Variants in GAD1 observed in about 807,000 individuals in gnomAD.
GAD1 encodes the protein 67 kDa glutamic acid decarboxylase.
Under a neutral mutation model 75.2 loss-of-function variants are expected in GAD1, and 35 were observed. That is an observed-to-expected ratio of 0.47 (90% CI 0.36 to 0.62). GAD1 has a LOEUF of 0.62. Among genes scored for constraint, GAD1 ranks in the 20% least tolerant of loss-of-function variants. The pLI, the probability that GAD1 is intolerant of heterozygous loss-of-function variation, is 0.00. For missense variants in GAD1, 490 were observed against 758.5 expected, an observed-to-expected ratio of 0.65 and a Z score of 4.16; for synonymous variants, 257 against 271.9, an observed-to-expected ratio of 0.95 and a Z score of 0.54.
chr2:170,828,421 T>G, intron 3 of GAD1, among the ~76,000 whole-genome samples: 1 of 140,156 alleles, frequency 7.1e-6, no homozygotes, highest in Non-Finnish European at 1.5e-5. Flanking sequence ...CTCCCTCTGC[T>G]GTCCTCACCC....
rs766849940 is a variant in GAD1 at position 170,834,012 on chromosome 2, AAGAG to A, written c.548-2767_548-2764del. 9.0e-3 allele frequency among the ~76,000 whole-genome samples: 1,362 copies of A among 151,182 alleles called. 24 individuals are homozygous for A. The highest frequency in any genetic ancestry group is 0.028 in the African/African-American group (1,145 of 41,172). ...CAGGACCCTGTTTCAAAAAAAAAAA[AAGAG>A]AGAGAGAGAGAGAAAGCATTGACTT... is the stretch of plus-strand genomic sequence containing the variant. On this transcript the variant is annotated intron_variant, in intron 5 of 16. Coordinates refer to ENST00000358196, the MANE Select transcript of GAD1 (RefSeq NM_000817.3).
At position 170,852,801 on chromosome 2, in the gene GAD1, T is replaced by C. The variant is rs1308388915; in HGVS notation, c.1263+9T>C. ...TTCTCGTCAAGGAAAAGGTCTGTACTCCCTCCAAAGCTACACTGGGGCCCG... is the reference window on the plus strand; with the variant it reads ...TTCTCGTCAAGGAAAAGGTCTGTACCCCCTCCAAAGCTACACTGGGGCCCG... On this transcript the variant is annotated intron_variant, in intron 13 of 16. Transcript: ENST00000358196. The C allele has an allele frequency of 5.0e-6, 8 of 1,612,922 alleles. No homozygotes were observed. The highest frequency in any genetic ancestry group is 1.7e-6 in the Non-Finnish European group (2 of 1,179,046).
chr2:170,841,996 T>C (rs1216054400), intron 6 of GAD1, among the ~76,000 whole-genome samples: 1 of 152,182 alleles, frequency 6.6e-6, no homozygotes, highest in African/African-American at 2.4e-5. Flanking sequence ...TGAATAGAAC[T>C]GAAAGAAAGT....
intron 3 of GAD1, 178 bp from the exon 4 acceptor site, chr2:170,829,297 G>GC: frequency 4.4e-6 from 3 of 680,678 alleles, no homozygotes; most frequent in Non-Finnish European, 7.6e-6. Flanking sequence ...ATTTGGCACT[G>GC]CCCCCCTCCC....
At chr2:170,855,103 CTA>C (rs964536666) in intron 14 of GAD1, among the ~76,000 whole-genome samples, 10 of 148,968 alleles carry the variant, frequency 6.7e-5, no homozygotes, top group African/African-American at 2.3e-4. Context: ...AACTGTCTAA[CTA>C]ACACTCAAAC....
chr2:170,849,449 A>C, intron 12 of GAD1, 99 bp downstream of exon 12: 1 of 1,147,834 alleles, frequency 8.7e-7, no homozygotes, highest in Non-Finnish European at 1.3e-6. Context: ...CCCCAGCATC[A>C]TATTTCGGTC....
intron 3 of GAD1, among the ~76,000 whole-genome samples, chr2:170,823,231 A>G (rs1701938525): frequency 6.6e-6 from 1 of 152,124 alleles, no homozygotes; most frequent in Admixed American, 6.5e-5. Flanking sequence ...GGCACGGGAC[A>G]CGCCCGCCCG....
intron 3 of GAD1, among the ~76,000 whole-genome samples, chr2:170,824,825 T>G (rs1701984910): frequency 6.6e-6 from 1 of 152,122 alleles, no homozygotes; most frequent in South Asian, 2.1e-4. Context: ...GATCCCTAAG[T>G]TCTGGCTCCA....
chr2:170,847,231 A>T (rs112955292), intron 10 of GAD1, among the ~76,000 whole-genome samples: 1 of 152,264 alleles, frequency 6.6e-6, no homozygotes, highest in East Asian at 1.9e-4. Context: ...TCTTAAAAGA[A>T]TGATGCACAG....
intron 6 of GAD1, among the ~76,000 whole-genome samples, chr2:170,837,383 G>GT (rs1402026382): frequency 6.6e-6 from 1 of 152,158 alleles, no homozygotes; most frequent in Non-Finnish European, 1.5e-5. Flanking sequence ...ATAAGTGATT[G>GT]TTTTTCTAAA....
intron 4 of GAD1, 100 bp downstream of exon 4, chr2:170,829,733 C>A: frequency 1.5e-6 from 2 of 1,329,574 alleles, no homozygotes; most frequent in Admixed American, 1.9e-5. Context: ...CAAGAAATGT[C>A]ATTATTCTCT....
In GAD1 at chr2:170,854,005, C is replaced by G; in HGVS notation, c.1396C>G (p.Leu466Val). The change falls in exon 14 of 17, where the codon CTG becomes GTG. Residue 466 changes from leucine to valine, a missense_variant. Leu to Val is a conservative substitution (Grantham distance 32). This residue lies in a region of GAD1 where 324 missense variants were observed against 523.9 expected (regional missense o/e 0.62). Transcript: ENST00000358196. ...CCACGTGGATATCTTCAAGTTCTGG[C>G]TGATGTGGAAAGCAAAGGTATGAAG... ...GRHVDIFKFWLMWKAKGTVGF... is the reference protein window; with the variant it reads ...GRHVDIFKFWVMWKAKGTVGF... The G allele has an allele frequency of 6.2e-7, 1 of 1,614,056 alleles. No homozygotes were observed. The highest frequency in any genetic ancestry group is 8.5e-7 in the Non-Finnish European group (1 of 1,180,024).
chr2:170,839,007 G>C (rs1702438385), intron 6 of GAD1, among the ~76,000 whole-genome samples: 1 of 152,238 alleles, frequency 6.6e-6, no homozygotes, highest in Non-Finnish European at 1.5e-5. Flanking sequence ...TTCTAAGCCA[G>C]TTGCCCTGGA....
Position 170,860,930 on chromosome 2 carries a change from A to G in GAD1, c.*1048A>G. 1 of 152,632 alleles carries G rather than the reference A, an allele frequency of 6.6e-6. No homozygotes were observed. The highest frequency in any genetic ancestry group is 1.9e-4 in the East Asian group (1 of 5,200). 9.5% of individuals were successfully genotyped at this position (152,632 alleles called of 1,614,324 possible). ...ATGCTTTTCTAGCAACTGTTGGATA[A>G]TAACTAGATCTCCTGTAATTTTGTA... On this transcript the variant is annotated 3_prime_UTR_variant, in exon 17 of 17. Coordinates refer to ENST00000358196, the MANE Select transcript of GAD1 (RefSeq NM_000817.3).
chr2:170,832,460 T>C (rs557715907), intron 5 of GAD1, among the ~76,000 whole-genome samples: 1 of 152,246 alleles, frequency 6.6e-6, no homozygotes, highest in South Asian at 2.1e-4. Context: ...CCCACCCCAA[T>C]CCAGCATGAC....
At chr2:170,830,032 C>G (rs1188457230) in intron 4 of GAD1, among the ~76,000 whole-genome samples, 1 of 152,138 alleles carries the variant, frequency 6.6e-6, no homozygotes, top group Admixed American at 6.5e-5. Flanking sequence ...GCCTCATAAC[C>G]AACGAGTGTC....
chr2:170,823,524 G>A (rs1476262213), intron 3 of GAD1, among the ~76,000 whole-genome samples: 1 of 152,080 alleles, frequency 6.6e-6, no homozygotes, highest in East Asian at 1.9e-4. Context: ...GCCGCCGGGC[G>A]GCCTGGGAGT....
upstream of GAD1, among the ~76,000 whole-genome samples, chr2:170,815,669 A>C (rs1016847960): frequency 2.0e-4 from 30 of 152,150 alleles, no homozygotes; most frequent in African/African-American, 6.8e-4. Context: ...TAAAGGAATC[A>C]CTGCCTACAC....
In GAD1 at chr2:170,853,477, C is replaced by T. The variant is rs1702788857; in HGVS notation, c.1264-396C>T. On this transcript the variant is annotated intron_variant, in intron 13 of 16. Transcript: ENST00000358196. This position sits in a 1 kb window ranked among gnomAD's most constrained non-coding sequence, Gnocchi z 4.1. Reference sequence around the variant, plus strand: ...AGGAGGTCCTGGAAAGGTTGGAAGACTTTTGCCAGAGCGCTTTTGGAGAGA... The same window carrying T: ...AGGAGGTCCTGGAAAGGTTGGAAGATTTTTGCCAGAGCGCTTTTGGAGAGA... The T allele has an allele frequency of 7.6e-6, 2 of 264,768 alleles. No homozygotes were observed. The highest frequency in any genetic ancestry group is 1.7e-4 in the East Asian group (2 of 11,736). 16.4% of individuals were successfully genotyped at this position (264,768 alleles called of 1,614,324 possible).
Sources: gnomAD v4.1 joint callset for allele counts (sites outside exome capture counted in the v4.1 genomes callset) on GRCh38, gnomAD v4.1.1 for gene constraint, gnomAD v4.1.1 regional missense constraint, Gnocchi (gnomAD v3.1) non-coding constraint, MANE v1.5 for transcripts, NCBI Gene and HGNC (gene_info 2026-07-23, HGNC 2026-07-21) for gene names.